The following PCDHGA9 variants were observed in gnomAD, a reference collection of about 807,000 sequenced individuals.
PCDHGA9 encodes protocadherin gamma subfamily A, 9.
In PCDHGA9, 37 loss-of-function variants were observed where a neutral mutation model predicts 62.5. The ratio of observed to expected loss-of-function variants is 0.59; its 90% CI spans 0.46 to 0.78. The LOEUF (loss-of-function observed/expected upper bound fraction) is 0.78. Among genes scored for constraint, PCDHGA9 ranks in the 30% least tolerant of loss-of-function variants. The probability of loss-of-function intolerance (pLI) is 0.00; values close to 1 mark genes in which losing one functional copy is unlikely to be tolerated. For synonymous variants in PCDHGA9, 459 were observed against 484.6 expected (o/e 0.95, Z 0.69); for missense variants, 1,138 against 1,166.2 (o/e 0.98, Z 0.35).
Position 141,486,487 on chromosome 5 carries a change from C to G in PCDHGA9, c.2425-8320C>G. The G allele has an allele frequency of 6.2e-7, 1 of 1,614,086 alleles. No homozygotes were observed. The highest frequency in any genetic ancestry group is 1.1e-5 in the South Asian group (1 of 91,074). ...CTGGGAACCCTCCTCTCAGTACCCA[C>G]AGAACTATTTTCCTCAATATTTCAG... On this transcript the variant is annotated intron_variant, in intron 1 of 3. Coordinates refer to ENST00000573521, the MANE Select transcript of PCDHGA9 (RefSeq NM_018921.3). This position sits in a 1 kb window ranked among gnomAD's most constrained non-coding sequence, Gnocchi z 5.0.
chr5:141,469,711 T>C (rs894622720), intron 1 of PCDHGA9, among the ~76,000 whole-genome samples: 13 of 152,372 alleles, frequency 8.5e-5, no homozygotes, highest in African/African-American at 2.4e-4. Flanking sequence ...AATCACACTA[T>C]TAGGAATTTA....
At chr5:141,466,296 A>G (rs2099120415) in intron 1 of PCDHGA9, among the ~76,000 whole-genome samples, 1 of 152,136 alleles carries the variant, frequency 6.6e-6, no homozygotes. Flanking sequence ...TCAGGCTCCC[A>G]AGTAGCTGGG....
At chr5:141,497,742 T>C (rs2099779149) in intron 2 of PCDHGA9, among the ~76,000 whole-genome samples, 1 of 152,128 alleles carries the variant, frequency 6.6e-6, no homozygotes, top group South Asian at 2.1e-4. Context: ...TTTCGCCACG[T>C]TGGCCAGGCT....
At chr5:141,478,488 G>A in intron 1 of PCDHGA9, 1 of 1,613,320 alleles carries the variant, frequency 6.2e-7, no homozygotes, top group Non-Finnish European at 8.5e-7. Context: ...ACGCTGCGGA[G>A]CTGTGATCCG....
At chr5:141,417,699 C>A (rs2096148616) in intron 1 of PCDHGA9, 1 of 1,164,548 alleles carries the variant, frequency 8.6e-7, no homozygotes, top group Non-Finnish European at 1.2e-6. Context: ...AACCAGCTCC[C>A]ACACAGAGGC....
rs1012790217 is a variant in PCDHGA9 at position 141,432,087 on chromosome 5, C to T, written c.2424+26711C>T. On this transcript the variant is annotated intron_variant, in intron 1 of 3. Coordinates refer to ENST00000573521, the MANE Select transcript of PCDHGA9 (RefSeq NM_018921.3). This position sits in a 1 kb window ranked among gnomAD's most constrained non-coding sequence, Gnocchi z 6.0. ...GAAACTCATATCTCGCTGAACGTGG[C>T]AGACACCAACGACAACCCGCCGGTC... is the stretch of plus-strand genomic sequence containing the variant. The T allele has an allele frequency of 2.5e-6, 4 of 1,614,060 alleles. No homozygotes were observed. The African/African-American group carries it at 4.0e-5, about 16-fold the overall frequency.
At chr5:141,483,917 T>A (rs565465724) in intron 1 of PCDHGA9, among the ~76,000 whole-genome samples, 2 of 151,262 alleles carry the variant, frequency 1.3e-5, no homozygotes, top group South Asian at 4.2e-4. Context: ...CCCACTCAGA[T>A]TGCAGGTCGT....
intron 1 of PCDHGA9, among the ~76,000 whole-genome samples, chr5:141,456,854 T>C (rs924765803): frequency 7.2e-5 from 11 of 151,950 alleles, no homozygotes; most frequent in Non-Finnish European, 1.3e-4. Context: ...TCCCAGCTAA[T>C]TGGGAGGCTG....
chr5:141,460,950 T>C (rs1458616371), intron 1 of PCDHGA9, among the ~76,000 whole-genome samples: 1 of 135,948 alleles, frequency 7.4e-6, no homozygotes, highest in East Asian at 2.0e-4. Flanking sequence ...ATATGTATTA[T>C]GTATATATAT....
Position 141,409,074 on chromosome 5 carries a change from T to C in PCDHGA9, c.2424+3698T>C, listed in dbSNP as rs375843119. The C allele has an allele frequency of 4.3e-5, 69 of 1,613,884 alleles. No homozygotes were observed. Among genetic ancestry groups the C allele is most frequent in the South Asian group, 2.4e-4 (22 of 91,084 alleles). On this transcript the variant is annotated intron_variant, in intron 1 of 3. Coordinates refer to ENST00000573521, the MANE Select transcript of PCDHGA9 (RefSeq NM_018921.3). The stretch of plus-strand genomic sequence containing the variant: ...AGCACTGCCCAGAGCACAAAACATA[T>C]GTTCTCATTGGATGAGAAAACAGGT...
intron 1 of PCDHGA9, chr5:141,478,768 A>G: frequency 6.7e-7 from 1 of 1,501,046 alleles, no homozygotes; most frequent in African/African-American, 1.4e-5. Context: ...TACTTGACTC[A>G]TCTGTGGACC....
At position 141,481,468 on chromosome 5, in the gene PCDHGA9, G is replaced by A. The variant is rs575259839; in HGVS notation, c.2425-13339G>A. Among the ~76,000 whole-genome samples the A allele has an allele frequency of 2.6e-5, 4 of 152,332 alleles. No homozygotes were observed. In the South Asian group the frequency reaches 8.3e-4, roughly 32 times the overall value. On this transcript the variant is annotated intron_variant, in intron 1 of 3. Transcript: ENST00000573521. Reference sequence around the variant, plus strand: ...CATGTAAATACACTGAAAACCATTGGATTATACACTTTAAATATGTGATTT... The same window carrying A: ...CATGTAAATACACTGAAAACCATTGAATTATACACTTTAAATATGTGATTT...
At chr5:141,420,537 T>C (rs1246315357) in intron 1 of PCDHGA9, 2 of 317,450 alleles carry the variant, frequency 6.3e-6, no homozygotes, top group Non-Finnish European at 1.1e-5. Context: ...GTTAAAAATA[T>C]AAAATACAGG....
intron 2 of PCDHGA9, among the ~76,000 whole-genome samples, chr5:141,500,674 G>T (rs554174451): frequency 4.2e-4 from 64 of 152,122 alleles, no homozygotes; most frequent in Non-Finnish European, 6.6e-4. Flanking sequence ...CTGTCCAACA[G>T]AATTATAGCT....
At chr5:141,463,265 A>G (rs2099055701) in intron 1 of PCDHGA9, among the ~76,000 whole-genome samples, 1 of 151,998 alleles carries the variant, frequency 6.6e-6, no homozygotes, top group African/African-American at 2.4e-5. Flanking sequence ...ACTCTATCCC[A>G]TAAATTCTGG....
At chr5:141,421,960 C>G in intron 1 of PCDHGA9, 3 of 1,612,526 alleles carry the variant, frequency 1.9e-6, no homozygotes, top group Non-Finnish European at 2.5e-6. Context: ...AATGTTTACA[C>G]AGTCCGTATA....
intron 3 of PCDHGA9, 40 bp downstream of exon 3, chr5:141,505,521 T>C: frequency 1.9e-6 from 3 of 1,612,684 alleles, no homozygotes; most frequent in Non-Finnish European, 2.5e-6. Context: ...GTGGGAGACC[T>C]GGGGTTCTGG....
chr5:141,487,880 G>T lies in PCDHGA9; in HGVS notation c.2425-6927G>T, dbSNP rs1008153773. ...ATTGGTGATCAAGAGCCAGGCTGTTGTGGAAGCATGATGATGGAATGTGGG... is the reference window on the plus strand; with the variant it reads ...ATTGGTGATCAAGAGCCAGGCTGTTTTGGAAGCATGATGATGGAATGTGGG... On this transcript the variant is annotated intron_variant, in intron 1 of 3. Transcript: ENST00000573521. The surrounding 1 kb of genome is among the most constrained non-coding windows in gnomAD (Gnocchi z 5.0). The T allele has an allele frequency of 3.8e-6, 3 of 784,896 alleles. No individual in the cohort carries two copies. Among genetic ancestry groups the T allele is most frequent in the Non-Finnish European group, 6.0e-6 (3 of 497,074 alleles). 48.6% of individuals were successfully genotyped at this position (784,896 alleles called of 1,614,324 possible).
Position 141,403,705 on chromosome 5 carries a change from C to T in PCDHGA9, c.753C>T (p.Val251=). Residue 251 remains valine (V), a synonymous_variant, in exon 1 of 4, where the codon GTC becomes GTT. Transcript: ENST00000573521. ...CTCAACGGATTTACCGAGTTAAAGT[C>T]CTTGAGAACGTGCCCCCAGGCACCT... is the stretch of plus-strand genomic sequence containing the variant. ...VFAQRIYRVK[V]LENVPPGTWL... 6.2e-7 allele frequency: 1 copy of T among 1,613,894 alleles called. No homozygotes were observed. Among genetic ancestry groups the T allele is most frequent in the Non-Finnish European group, 8.5e-7 (1 of 1,179,884 alleles).
Sources: allele counts gnomAD v4.1 joint callset (sites outside exome capture counted in the v4.1 genomes callset), GRCh38; gene constraint gnomAD v4.1.1; non-coding constraint Gnocchi (gnomAD v3.1); transcripts MANE v1.5; gene names NCBI Gene and HGNC (gene_info 2026-07-23, HGNC 2026-07-21).